LIPA: variants seen among roughly 807,000 people sequenced by gnomAD.
The protein encoded by LIPA is lysosomal acid lipase/cholesteryl ester hydrolase.
LIPA carries 26 observed loss-of-function variants against 40.6 expected under a neutral mutation model. That is an observed-to-expected ratio of 0.64 (90% CI 0.47 to 0.89). LIPA has a LOEUF of 0.89. Ranked by LOEUF, LIPA falls within the 40% of genes least tolerant of loss-of-function variation. The probability of loss-of-function intolerance (pLI) is 0.00; values close to 1 mark genes in which losing one functional copy is unlikely to be tolerated. For missense variants in LIPA, 455 were observed against 479.6 expected (o/e 0.95, Z 0.48); for synonymous variants, 188 against 168.4 (o/e 1.12, Z -0.90).
In LIPA at chr10:89,406,542, G is replaced by A. The variant is rs145304830; in HGVS notation, c.61+6249C>T. 554 of 152,550 alleles carry A rather than the reference G, an allele frequency of 3.6e-3. 24 individuals carry two copies. In the East Asian group the frequency reaches 0.09, roughly 25 times the overall value. 9.4% of individuals were successfully genotyped at this position (152,550 alleles called of 1,614,324 possible). On this transcript the variant is annotated intron_variant, in intron 2 of 8. Coordinates refer to the LIPA transcript ENST00000371837. Reference sequence around the variant, plus strand: ...TGTAACACTCACCACGAAGGTCTACGGCTTCACTCCTGAAGCCAGCGAGAC... The same window carrying A: ...TGTAACACTCACCACGAAGGTCTACAGCTTCACTCCTGAAGCCAGCGAGAC...
chr10:89,278,885 G>T (rs1843302562), intron 1 of LIPA, among the ~76,000 whole-genome samples: 1 of 151,132 alleles, frequency 6.6e-6, no homozygotes, highest in African/African-American at 2.4e-5. Context: ...AATGTACATG[G>T]TCTAAATATA....
At chr10:89,299,634 C>T (rs1343925118) in intron 1 of LIPA, among the ~76,000 whole-genome samples, 1 of 151,994 alleles carries the variant, frequency 6.6e-6, no homozygotes, top group African/African-American at 2.4e-5. Flanking sequence ...TATAAAGGAG[C>T]TCTGGTATAT....
At chr10:89,255,656 A>G (rs1843177074), upstream of LIPA, among the ~76,000 whole-genome samples, 1 of 152,234 alleles carries the variant, frequency 6.6e-6, no homozygotes, top group South Asian at 2.1e-4. Flanking sequence ...GGTGGATTGA[A>G]TACAGGTATG....
chr10:89,260,479 A>G lies in LIPA; in HGVS notation c.-1-12830T>C, dbSNP rs567303575. On this transcript the variant is annotated intron_variant, in intron 1 of 5. Coordinates refer to the LIPA transcript ENST00000282673. ...TGGATGAGAGGTTGGGTAGCTGTGG[A>G]GAAGATTGGCTAAGCTGATTAGAAC... is the stretch of plus-strand genomic sequence containing the variant. 2.6e-4 allele frequency among the ~76,000 whole-genome samples: 40 copies of G among 152,294 alleles called. 1 individual carries two copies. In the South Asian group the frequency reaches 3.9e-3, roughly 15 times the overall value.
At chr10:89,287,583 C>G (rs1843347747) in intron 1 of LIPA, among the ~76,000 whole-genome samples, 1 of 152,096 alleles carries the variant, frequency 6.6e-6, no homozygotes, top group South Asian at 2.1e-4. Flanking sequence ...CCACCTTAAC[C>G]CACAAGTATA....
chr10:89,383,963 T>A (rs769862207), intron 2 of LIPA: 2 of 1,614,152 alleles, frequency 1.2e-6, no homozygotes, highest in South Asian at 2.2e-5. Context: ...CCAGATGATG[T>A]ATATATTAGG....
intron 2 of LIPA, among the ~76,000 whole-genome samples, chr10:89,395,235 C>CACAG (rs1182297840): frequency 2.0e-5 from 3 of 146,622 alleles, no homozygotes. Context: ...ACCTCTCAGT[C>CACAG]ACAGCATGAC....
chr10:89,317,888 C>T (rs976576697), intron 1 of LIPA, among the ~76,000 whole-genome samples: 2 of 152,150 alleles, frequency 1.3e-5, no homozygotes, highest in Non-Finnish European at 2.9e-5. Context: ...ACTCTACAAG[C>T]CAGAAGAGAG....
intron 1 of LIPA, among the ~76,000 whole-genome samples, chr10:89,286,050 G>A (rs1019615415): frequency 6.6e-5 from 10 of 151,936 alleles, no homozygotes; most frequent in African/African-American, 1.9e-4. Flanking sequence ...ATACAAACTC[G>A]ACAGTGGTTC....
chr10:89,312,459 T>A (rs1422801811), intron 1 of LIPA, among the ~76,000 whole-genome samples: 2 of 152,070 alleles, frequency 1.3e-5, no homozygotes, highest in African/African-American at 4.8e-5. Flanking sequence ...AAATAAATAA[T>A]AATAATAATT....
intron 1 of LIPA, chr10:89,307,153 A>T: frequency 6.2e-7 from 1 of 1,614,086 alleles, no homozygotes; most frequent in Non-Finnish European, 8.5e-7. Context: ...TAGAGGGTGT[A>T]AAAATAAACC....
chr10:89,228,431 C>T (rs375757762), intron 3 of LIPA, 33 bp from the exon 4 acceptor site: 84 of 1,558,046 alleles, frequency 5.4e-5, no homozygotes, highest in Middle Eastern at 1.7e-4. Flanking sequence ...GAGGCAGTAG[C>T]ACCAAGCTTC....
At chr10:89,292,490 C>T (rs1425225332) in intron 1 of LIPA, 1 of 152,166 alleles carries the variant, frequency 6.6e-6, no homozygotes, top group African/African-American at 2.4e-5. Flanking sequence ...GGCCCCTGGC[C>T]CTAGAAGTAA....
chr10:89,358,636 C>G (rs973793438), intron 2 of LIPA, among the ~76,000 whole-genome samples: 4 of 152,120 alleles, frequency 2.6e-5, no homozygotes, highest in Non-Finnish European at 5.9e-5. Flanking sequence ...ATGGATAGAA[C>G]TGGAGGTCAT....
chr10:89,276,968 C>T (rs1221486461), intron 1 of LIPA, among the ~76,000 whole-genome samples: 1 of 152,204 alleles, frequency 6.6e-6, no homozygotes, highest in African/African-American at 2.4e-5. Flanking sequence ...GACCCTCCAT[C>T]TCATTCACTG....
intron 5 of LIPA, 69 bp downstream of exon 5, chr10:89,226,826 C>CT: frequency 1.1e-6 from 1 of 936,930 alleles, no homozygotes; most frequent in Non-Finnish European, 1.7e-6. Context: ...TTATATTTCA[C>CT]TTTTAAGAAA....
At chr10:89,226,537 GTAGT>G (rs1842772338) in intron 5 of LIPA, among the ~76,000 whole-genome samples, 1 of 152,128 alleles carries the variant, frequency 6.6e-6, no homozygotes, top group Non-Finnish European at 1.5e-5. Context: ...AAATGTACCT[GTAGT>G]TAGTTATATT....
chr10:89,361,896 T>A, intron 2 of LIPA, among the ~76,000 whole-genome samples: 1 of 123,300 alleles, frequency 8.1e-6, no homozygotes, highest in Non-Finnish European at 1.7e-5. Context: ...TTTTTTTTTT[T>A]TTTTTTTTTT....
At chr10:89,298,152 C>T (rs1364143568) in intron 1 of LIPA, among the ~76,000 whole-genome samples, 2 of 152,224 alleles carry the variant, frequency 1.3e-5, no homozygotes, top group Non-Finnish European at 2.9e-5. Flanking sequence ...TGAGAACCCA[C>T]TCACCCACCT....
Sources: allele counts gnomAD v4.1 joint callset (sites outside exome capture counted in the v4.1 genomes callset), GRCh38; gene constraint gnomAD v4.1.1; transcripts MANE v1.5; gene names NCBI Gene and HGNC (gene_info 2026-07-23, HGNC 2026-07-21).